PSG4: variants seen among roughly 807,000 people sequenced by gnomAD.
PSG4 encodes pregnancy specific beta-1-glycoprotein 4.
Under a neutral mutation model 44.3 loss-of-function variants are expected in PSG4, and 61 were observed. The ratio of observed to expected loss-of-function variants is 1.38; its 90% CI spans 1.12 to 1.70. PSG4 has a LOEUF of 1.70. Ranked by LOEUF, PSG4 falls within the 40% of genes most tolerant of loss-of-function variation. The probability of loss-of-function intolerance (pLI) is 0.00; values close to 1 mark genes in which losing one functional copy is unlikely to be tolerated. For missense variants in PSG4, 677 were observed against 511.7 expected, an observed-to-expected ratio of 1.32 and a Z score of -3.12; for synonymous variants, 248 against 191.3, an observed-to-expected ratio of 1.30 and a Z score of -2.45.
intron 3 of PSG4, 99 bp from the exon 4 acceptor site, chr19:43,195,372 C>G: frequency 6.6e-7 from 1 of 1,522,522 alleles, no homozygotes; most frequent in Non-Finnish European, 8.9e-7. Flanking sequence ...TCTCAGCCCA[C>G]CCGAGTCCTT....
intron 3 of PSG4, chr19:43,196,502 A>C (rs1967252434): frequency 6.6e-6 from 1 of 151,660 alleles, no homozygotes; most frequent in Non-Finnish European, 1.5e-5. Context: ...TATTTGTCAT[A>C]TGCTTACTGG....
Position 43,197,988 on chromosome 19 carries a change from G to T in PSG4, c.709+9C>A. On this transcript the variant is annotated intron_variant, in intron 3 of 5. Coordinates refer to ENST00000405312, the MANE Select transcript of PSG4 (RefSeq NM_002780.5). Reference sequence around the variant, plus strand: ...CAGCCTGGCTCACAGAGGAACAGAGGATACTCACGGAGGAGATTCAGGGTG... The same window carrying T: ...CAGCCTGGCTCACAGAGGAACAGAGTATACTCACGGAGGAGATTCAGGGTG... 1 of 1,587,826 alleles carries T rather than the reference G, an allele frequency of 6.3e-7. No individual in the cohort carries two copies. The highest frequency in any genetic ancestry group is 8.5e-7 in the Non-Finnish European group (1 of 1,171,932).
chr19:43,205,217 C>G lies in PSG4; in HGVS notation c.64+256G>C, dbSNP rs866845099. On this transcript the variant is annotated intron_variant, in intron 1 of 5. Transcript: ENST00000405312. ...CTGCCTCGTGGGTGCACGTGATTCT[C>G]CTGCCACAGCCTCCTGAGTAGCTAT... is the stretch of plus-strand genomic sequence containing the variant. Among the ~76,000 whole-genome samples, 4 of 134,716 alleles carry G rather than the reference C, an allele frequency of 3.0e-5. 1 individual carries two copies. Among genetic ancestry groups the G allele is most frequent in the Non-Finnish European group, 6.1e-5 (4 of 65,220 alleles). 88.4% of individuals were successfully genotyped at this position (134,716 alleles called of 152,430 possible).
At position 43,194,659 on chromosome 19, in the gene PSG4, T is replaced by TAAGA; in HGVS notation, c.989-66_989-65insTCTT. 4 of 1,558,692 alleles carry TAAGA rather than the reference T, an allele frequency of 2.6e-6. 1 individual carries two copies. Among genetic ancestry groups the TAAGA allele is most frequent in the Non-Finnish European group, 2.6e-6 (3 of 1,151,576 alleles). On this transcript the variant is annotated intron_variant, in intron 4 of 5. Transcript: ENST00000405312. ...AGGGAAGGGGATGTTCCTGGTCTCT[T>TAAGA]AAAGGGACACAGTTACCCTCTAAGC...
rs151250014 is a variant in PSG4, at chr19:43,202,701, G to T, written c.430+1185C>A. Among the ~76,000 whole-genome samples, 1,081 of 144,370 alleles carry T rather than the reference G, an allele frequency of 7.5e-3. 162 individuals carry two copies. The highest frequency in any genetic ancestry group is 0.027 in the African/African-American group (1,016 of 37,388). 94.7% of individuals were successfully genotyped at this position (144,370 alleles called of 152,430 possible). On this transcript the variant is annotated intron_variant, in intron 2 of 5. Coordinates refer to ENST00000405312, the MANE Select transcript of PSG4 (RefSeq NM_002780.5). ...CAGTGATGGGGGTTAAGATCTGAGG[G>T]GGAGGCCTGGACATATTTTTTGCAC... is the stretch of plus-strand genomic sequence containing the variant.
In PSG4 at chr19:43,193,231, G is replaced by C. The variant is rs1457062363; in HGVS notation, c.*141C>G. 9.2e-6 allele frequency: 7 copies of C among 764,234 alleles called. No homozygotes were observed. Among genetic ancestry groups the C allele is most frequent in the Non-Finnish European group, 2.4e-6 (1 of 417,212 alleles). The allele number at this position is 764,234 out of a possible 1,614,324, so 47.3% of individuals were successfully genotyped here. On this transcript the variant is annotated 3_prime_UTR_variant, in exon 6 of 6. Transcript: ENST00000405312. Reference sequence around the variant, plus strand: ...CGAACATTTTGGTGAGTTCTGAGTGGCTCACATGTCAGGTACAAGGGTTTT... The same window carrying C: ...CGAACATTTTGGTGAGTTCTGAGTGCCTCACATGTCAGGTACAAGGGTTTT...
At chr19:43,202,582 T>A (rs1018414468) in intron 2 of PSG4, among the ~76,000 whole-genome samples, 4 of 144,556 alleles carry the variant, frequency 2.8e-5, no homozygotes, top group Non-Finnish European at 6.0e-5. Flanking sequence ...CCTGTGCTGG[T>A]GCAGGGTGTG....
chr19:43,193,146 A>C lies in PSG4; in HGVS notation c.*226T>G. On this transcript the variant is annotated 3_prime_UTR_variant, in exon 6 of 6. Coordinates refer to ENST00000405312, the MANE Select transcript of PSG4 (RefSeq NM_002780.5). ...TGACATCTTTGGAAAAACTGTCCAC[A>C]GTGTGAAGTCATCAACTTGTTATCC... 1 of 689,236 alleles carries C rather than the reference A, an allele frequency of 1.5e-6. No individual in the cohort carries two copies. The highest frequency in any genetic ancestry group is 2.6e-6 in the Non-Finnish European group (1 of 377,478). The allele number at this position is 689,236 out of a possible 1,614,324, so 42.7% of individuals were successfully genotyped here.
At chr19:43,204,704 A>ATGACTGTGTGAGCTCCG (rs1967690181) in intron 1 of PSG4, 2 of 121,720 alleles carry the variant, frequency 1.6e-5, no homozygotes, top group African/African-American at 2.6e-4. Context: ...TCCCCCCACG[A>ATGACTGTGTGAGCTCCG]TGACTGTGTG....
At chr19:43,202,602 AG>A (rs1967565208) in intron 2 of PSG4, among the ~76,000 whole-genome samples, 1 of 144,396 alleles carries the variant, frequency 6.9e-6, no homozygotes, top group African/African-American at 2.7e-5. Flanking sequence ...GAGTGGGGAA[AG>A]AAAACAAGGT....
intron 1 of PSG4, chr19:43,204,694 T>TCCCCTCCCC (rs558525472): frequency 1.3e-5 from 2 of 151,870 alleles, no homozygotes; most frequent in African/African-American, 6.0e-5. Flanking sequence ...ATGTCTGTCT[T>TCCCCTCCCC]CCCCCCACGA....
chr19:43,202,814 G>T (rs1967576080), intron 2 of PSG4, among the ~76,000 whole-genome samples: 1 of 144,394 alleles, frequency 6.9e-6, no homozygotes, highest in Non-Finnish European at 1.5e-5. Flanking sequence ...AGGTTTGGAT[G>T]CCTAAAAAGA....
chr19:43,193,360 A>G lies in PSG4; in HGVS notation c.*12T>C, dbSNP rs745387128. 1.3e-6 allele frequency: 1 copy of G among 775,062 alleles called. No homozygotes were observed. The highest frequency in any genetic ancestry group is 2.4e-6 in the Non-Finnish European group (1 of 417,616). The allele number at this position is 775,062 out of a possible 1,614,324, so 48.0% of individuals were successfully genotyped here. A position where few individuals can be genotyped will look rare whatever the true frequency, so the allele number is the denominator to read the frequency against. On this transcript the variant is annotated 3_prime_UTR_variant, in exon 6 of 6. Coordinates refer to ENST00000405312, the MANE Select transcript of PSG4 (RefSeq NM_002780.5). ...CCATGGGAGAAAATGGAATTGGAGG[A>G]ACTAGTAGAATTCAGGGTAATATCC...
intron 2 of PSG4, among the ~76,000 whole-genome samples, chr19:43,199,278 A>C (rs1364951453): frequency 6.9e-6 from 1 of 144,750 alleles, no homozygotes; most frequent in Admixed American, 6.9e-5. Flanking sequence ...TGGATTCCAG[A>C]GTGAATCAGA....
chr19:43,196,568 T>G (rs1401628402), intron 3 of PSG4: 1 of 151,670 alleles, frequency 6.6e-6, no homozygotes, highest in Non-Finnish European at 1.5e-5. Flanking sequence ...TGAGCATTTC[T>G]TTTCAGCATC....
chr19:43,205,195 C>G (rs1273711354), intron 1 of PSG4, among the ~76,000 whole-genome samples: 1 of 130,306 alleles, frequency 7.7e-6, no homozygotes, highest in Non-Finnish European at 1.5e-5. Flanking sequence ...GCAACTTCTG[C>G]CTCGTGGGTG....
In PSG4 at chr19:43,202,627, T is replaced by C. The variant is rs140811729; in HGVS notation, c.430+1259A>G. On this transcript the variant is annotated intron_variant, in intron 2 of 5. Coordinates refer to ENST00000405312, the MANE Select transcript of PSG4 (RefSeq NM_002780.5). ...AGAAAACAAGGTCCTCTCCTTGATC[T>C]TCTCATGACAGTGACATGGGCACTT... Among the ~76,000 whole-genome samples, 347 of 143,648 alleles carry C rather than the reference T, an allele frequency of 2.4e-3. 41 individuals are homozygous for C. The highest frequency in any genetic ancestry group is 8.9e-3 in the African/African-American group (326 of 36,612). The allele number at this position is 143,648 out of a possible 152,430, so 94.2% of individuals were successfully genotyped here.
rs760792558 is a variant in PSG4 at position 43,204,227 on chromosome 19, G to A, written c.89C>T (p.Pro30Leu). Residue 30 changes from proline to leucine, a missense_variant, in exon 2 of 6, where the codon CCG becomes CTG. Physicochemically the swap from Pro to Leu is moderately conservative, Grantham distance 98. Transcript: ENST00000405312. ...AATCGTGACTTGGGCAGTTGTGGGC[G>A]GATTCCAGAAGTTTAAAAGTGATGC... ...LTASLLNFWNPPTTAQVTIEA... is the reference protein window; with the variant it reads ...LTASLLNFWNLPTTAQVTIEA... 1.1e-5 allele frequency: 18 copies of A among 1,578,904 alleles called. 2 individuals carry two copies. Among genetic ancestry groups the A allele is most frequent in the South Asian group, 4.5e-5 (4 of 88,896 alleles).
intron 2 of PSG4, among the ~76,000 whole-genome samples, chr19:43,202,838 A>C (rs1967577916): frequency 6.9e-6 from 1 of 144,716 alleles, no homozygotes; most frequent in Admixed American, 6.8e-5. Flanking sequence ...GATTTGAGCC[A>C]ATAAATGACT....
Sources: allele counts gnomAD v4.1 joint callset (sites outside exome capture counted in the v4.1 genomes callset), GRCh38; gene constraint gnomAD v4.1.1; transcripts MANE v1.5; gene names NCBI Gene and HGNC (gene_info 2026-07-23, HGNC 2026-07-21).